The following C5 variants were observed in gnomAD, a reference collection of about 807,000 sequenced individuals.
C5 encodes complement C5, also known as C3 and PZP-like alpha-2-macroglobulin domain-containing protein 4.
Under a neutral mutation model 218.8 loss-of-function variants are expected in C5, and 140 were observed. The observed-to-expected ratio is 0.64, with a 90% CI of 0.56 to 0.74. The LOEUF is 0.74. C5 is among the 30% of genes least tolerant of loss of function. The pLI is 0.00. For missense variants in C5, 1,700 were observed against 1,969.6 expected, an observed-to-expected ratio of 0.86 and a Z score of 2.59; for synonymous variants, 614 against 682.3, an observed-to-expected ratio of 0.90 and a Z score of 1.56.
At chr9:121,016,519 C>CA in intron 14 of C5, 136 bp from the exon 15 acceptor site, 5 of 1,111,778 alleles carry the variant, frequency 4.5e-6, no homozygotes, top group Non-Finnish European at 6.6e-6. Context: ...TGATCAAAGA[C>CA]AAAATTTCCC....
At chr9:121,046,077 C>T in intron 2 of C5, 114 bp downstream of exon 2, 1 of 505,326 alleles carries the variant, frequency 2.0e-6, no homozygotes. Context: ...CTAATAATCC[C>T]ACAGTGGATG....
At chr9:121,014,610 G>T (rs982752049) in intron 16 of C5, among the ~76,000 whole-genome samples, 4 of 152,092 alleles carry the variant, frequency 2.6e-5, no homozygotes, top group East Asian at 1.9e-4. Flanking sequence ...TAGAATAAAG[G>T]TTAGAATTAA....
rs2047349225 is a variant in C5 at position 121,020,003 on chromosome 9, A to C, written c.1479T>G (p.Ile493Met). The change falls in exon 12 of 41, where the codon ATT (isoleucine) becomes ATG (methionine). Residue 493 changes from isoleucine to methionine, a missense_variant. Ile to Met is a conservative substitution (Grantham distance 10). Transcript: ENST00000223642. ...AGTAATTATAGTGAGTTATTTTGTCAATATATGGGCTTTTGGGGGTAACAA... is the reference window on the plus strand; with the variant it reads ...AGTAATTATAGTGAGTTATTTTGTCCATATATGGGCTTTTGGGGGTAACAA... Reference protein sequence around the residue: ...NIIVTPKSPYIDKITHYNYLI... With the variant: ...NIIVTPKSPYMDKITHYNYLI... 9 of 1,608,052 alleles carry C rather than the reference A, an allele frequency of 5.6e-6. No individual in the cohort carries two copies. The East Asian group carries it at 2.0e-4, about 36-fold the overall frequency.
Position 121,043,071 on chromosome 9 carries a change from T to A in C5, c.354A>T (p.Pro118=), listed in dbSNP as rs754076683. The A allele has an allele frequency of 3.7e-6, 6 of 1,613,092 alleles. No individual in the cohort carries two copies. The Admixed American group carries it at 1.0e-4, about 27-fold the overall frequency. Reference sequence around the variant, plus strand: ...AGAGAAATCCATTGTCATAGGTTATTGGCATTCTTTTTGATTTTGAAAAAT... The same window carrying A: ...AGAGAAATCCATTGTCATAGGTTATAGGCATTCTTTTTGATTTTGAAAAAT... The part of the protein sequence containing the change: ...SKHFSKSKRM[P]ITYDNGFLFI... Residue 118 remains proline (P), a synonymous_variant, in exon 3 of 41, where the codon CCA becomes CCT. Transcript: ENST00000223642.
rs146413890 is a variant in C5 at position 120,988,896 on chromosome 9, G to A, written c.3230+150C>T. 2.9e-4 allele frequency: 212 copies of A among 719,562 alleles called. 2 individuals are homozygous for A. The African/African-American group carries it at 3.3e-3, about 11-fold the overall frequency. 44.6% of individuals were successfully genotyped at this position (719,562 alleles called of 1,614,324 possible). A position where few individuals can be genotyped will look rare whatever the true frequency, so the allele number is the denominator to read the frequency against. ...ATATATTTTGAATCCATATCTGCTG[G>A]ATCAGATGTGAACGGTAAGAGAAAG... On this transcript the variant is annotated intron_variant, in intron 25 of 40. Coordinates refer to ENST00000223642, the MANE Select transcript of C5 (RefSeq NM_001735.3).
chr9:120,972,260 A>C (rs2046920433), intron 30 of C5, among the ~76,000 whole-genome samples: 1 of 152,226 alleles, frequency 6.6e-6, no homozygotes, highest in African/African-American at 2.4e-5. Flanking sequence ...ACTTCTGGTT[A>C]CATTTTCATT....
At chr9:121,027,504 C>A (rs1587989140) in intron 7 of C5, among the ~76,000 whole-genome samples, 1 of 152,052 alleles carries the variant, frequency 6.6e-6, no homozygotes. Context: ...ATATATAGAC[C>A]AATGGAACAG....
At chr9:121,021,469 C>T (rs767042461) in intron 11 of C5, 40 bp downstream of exon 11, 13 of 1,515,016 alleles carry the variant, frequency 8.6e-6, no homozygotes, top group African/African-American at 2.7e-5. Flanking sequence ...GTCAAGAGTA[C>T]ACATTGTCCT....
intron 25 of C5, among the ~76,000 whole-genome samples, chr9:120,983,980 G>C (rs72758167): frequency 1.1e-3 from 167 of 152,156 alleles, no homozygotes; most frequent in Non-Finnish European, 1.4e-3. Context: ...CCAAAATGGT[G>C]GGAGAATGTT....
intron 10 of C5, among the ~76,000 whole-genome samples, chr9:121,022,878 C>T (rs560713231): frequency 8.6e-5 from 13 of 151,198 alleles, no homozygotes; most frequent in South Asian, 2.1e-4. Flanking sequence ...GATTCAGGGA[C>T]GGAAAGAAGC....
In C5 at chr9:121,050,204, T is replaced by G. The variant is rs138873824; in HGVS notation, c.43A>C (p.Lys15Gln). Reference protein sequence around the residue: ...GILCFLIFLGKTWGQEQTYVI... With the variant: ...GILCFLIFLGQTWGQEQTYVI... Reference sequence around the variant, plus strand: ...TACGTTTGCTCCTGTCCCCAGGTTTTCCCCAGGAAGATTAAAAAACAAAGT... The same window carrying G: ...TACGTTTGCTCCTGTCCCCAGGTTTGCCCCAGGAAGATTAAAAAACAAAGT... Residue 15 changes from lysine to glutamine, a missense_variant, in exon 1 of 41, where the codon AAA becomes CAA. Lys to Gln is a moderately conservative substitution (Grantham distance 53). Transcript: ENST00000223642. The G allele has an allele frequency of 6.2e-7, 1 of 1,613,832 alleles. No homozygotes were observed. Among genetic ancestry groups the G allele is most frequent in the Non-Finnish European group, 8.5e-7 (1 of 1,179,850 alleles).
the C5 span, among the ~76,000 whole-genome samples, chr9:121,062,948 G>A: frequency 6.6e-6 from 1 of 151,762 alleles, no homozygotes; most frequent in African/African-American, 2.4e-5. Context: ...AGTCAGGTGT[G>A]GTTCTCTTTG....
At chr9:120,974,750 T>C (rs777880413) in intron 30 of C5, 29 bp downstream of exon 30, 1 of 1,595,522 alleles carries the variant, frequency 6.3e-7, no homozygotes, top group Non-Finnish European at 8.6e-7. Flanking sequence ...CAGCCAATTG[T>C]AAAATACTAC....
chr9:121,028,771 A>G (rs1318267234), intron 7 of C5, among the ~76,000 whole-genome samples: 1 of 152,190 alleles, frequency 6.6e-6, no homozygotes, highest in Non-Finnish European at 1.5e-5. Flanking sequence ...GCAAACCAAC[A>G]TGGCACATGT....
intron 18 of C5, among the ~76,000 whole-genome samples, chr9:121,007,368 T>G (rs2047224411): frequency 6.6e-6 from 1 of 152,236 alleles, no homozygotes. Context: ...ATTAAGCTTG[T>G]ATATTTATTT....
At chr9:121,008,558 A>T (rs1564149309) in intron 17 of C5, 60 bp from the exon 18 acceptor site, 7 of 1,175,002 alleles carry the variant, frequency 6.0e-6, no homozygotes, top group Middle Eastern at 1.9e-4. Flanking sequence ...TTATAGGTGA[A>T]TTTTAAAATA....
At chr9:121,024,866 TTGCAAGCC>T (rs1336308220) in intron 9 of C5, among the ~76,000 whole-genome samples, 2 of 152,240 alleles carry the variant, frequency 1.3e-5, no homozygotes, top group African/African-American at 4.8e-5. Flanking sequence ...TCATTAATGT[TTGCAAGCC>T]TGTCTGTTTG....
rs540686828 is a variant in C5, at chr9:121,029,321, T to C, written c.758+1076A>G. Among the ~76,000 whole-genome samples, 8 of 152,282 alleles carry C rather than the reference T, an allele frequency of 5.3e-5. No homozygotes were observed. The East Asian group carries it at 5.8e-4, about 11-fold the overall frequency. On this transcript the variant is annotated intron_variant, in intron 7 of 40. Transcript: ENST00000223642. Reference sequence around the variant, plus strand: ...ATCAATGCTAATAAGAGAGCTAGCATAGGGTAATGTTTGAGGCATGGACTC... The same window carrying C: ...ATCAATGCTAATAAGAGAGCTAGCACAGGGTAATGTTTGAGGCATGGACTC...
At chr9:120,984,385 C>T (rs917580732) in intron 25 of C5, among the ~76,000 whole-genome samples, 48 of 152,288 alleles carry the variant, frequency 3.2e-4, no homozygotes, top group East Asian at 9.6e-4. Context: ...AATACTTCTA[C>T]GGATTGCTCA....
Sources: gnomAD v4.1 joint callset for allele counts (sites outside exome capture counted in the v4.1 genomes callset) on GRCh38, gnomAD v4.1.1 for gene constraint, MANE v1.5 for transcripts, NCBI Gene and HGNC (gene_info 2026-07-23, HGNC 2026-07-21) for gene names.